ANKS1B: variants seen among roughly 807,000 people sequenced by gnomAD.
ANKS1B encodes the protein ankyrin repeat and sterile alpha motif domain containing 1B.
A neutral mutation model predicts 148.3 loss-of-function variants in ANKS1B; 36 were observed. That is an observed-to-expected ratio of 0.24 (90% CI 0.19 to 0.32). ANKS1B has a LOEUF of 0.32. Ranked by LOEUF, ANKS1B falls within the 10% of genes least tolerant of loss-of-function variation. The pLI is 1.00. For missense variants in ANKS1B, 1,157 were observed against 1,542.6 expected, an observed-to-expected ratio of 0.75 and a Z score of 4.19; for synonymous variants, 542 against 560.8, an observed-to-expected ratio of 0.97 and a Z score of 0.47.
At chr12:99,780,102 G>T (rs761960238) in intron 5 of ANKS1B, 130 bp from the exon 6 acceptor site, 62 of 662,906 alleles carry the variant, frequency 9.4e-5, no homozygotes, top group Non-Finnish European at 1.2e-4. Flanking sequence ...AAAAAATTAA[G>T]TTCTACACAC....
At chr12:98,841,130 TATTTC>T in intron 17 of ANKS1B, among the ~76,000 whole-genome samples, 1 of 152,320 alleles carries the variant, frequency 6.6e-6, no homozygotes, top group South Asian at 2.1e-4. Flanking sequence ...TTTCTAACTT[TATTTC>T]CTTTCAATTT....
At chr12:99,615,741 G>A (rs2153358032) in intron 9 of ANKS1B, among the ~76,000 whole-genome samples, 1 of 152,210 alleles carries the variant, frequency 6.6e-6, no homozygotes, top group South Asian at 2.1e-4. Flanking sequence ...ATAAGATAAG[G>A]ATTCCCTTTC....
chr12:99,202,469 A>G (rs112523726), intron 14 of ANKS1B, among the ~76,000 whole-genome samples: 4,067 of 152,270 alleles, frequency 0.027, 101 homozygotes, highest in Middle Eastern at 0.088. Context: ...GTTAGTTCTC[A>G]TTTCAGTACT....
Position 98,751,616 on chromosome 12 carries a change from G to A in ANKS1B, c.3580-94C>T. ...AACACTGAGGGAGGTGAACTAGGGAGGAACTTGAACTACTTCACCAGAGGC... is the reference window on the plus strand; with the variant it reads ...AACACTGAGGGAGGTGAACTAGGGAAGAACTTGAACTACTTCACCAGAGGC... On this transcript the variant is annotated intron_variant, in intron 25 of 26. Transcript: ENST00000683438. This position sits in a 1 kb window ranked among gnomAD's most constrained non-coding sequence, Gnocchi z 4.3. 4 of 1,245,684 alleles carry A rather than the reference G, an allele frequency of 3.2e-6. No homozygotes were observed. Among genetic ancestry groups the A allele is most frequent in the Non-Finnish European group, 4.6e-6 (4 of 871,870 alleles). The allele number at this position is 1,245,684 out of a possible 1,614,324, so 77.2% of individuals were successfully genotyped here.
intron 9 of ANKS1B, among the ~76,000 whole-genome samples, chr12:98,738,068 A>G (rs2097782095): frequency 1.3e-5 from 2 of 152,234 alleles, no homozygotes; most frequent in African/African-American, 4.8e-5. Flanking sequence ...TAACTATAGA[A>G]GAATTACTGT....
intron 24 of ANKS1B, among the ~76,000 whole-genome samples, chr12:98,776,784 G>T (rs1305015945): frequency 6.6e-6 from 1 of 152,236 alleles, no homozygotes; most frequent in Non-Finnish European, 1.5e-5. Flanking sequence ...CAACAGTATA[G>T]ACCTAGAGCT....
At chr12:99,382,237 T>C (rs184480925) in intron 12 of ANKS1B, among the ~76,000 whole-genome samples, 35 of 152,256 alleles carry the variant, frequency 2.3e-4, no homozygotes, top group Admixed American at 1.4e-3. Flanking sequence ...GGGAGATGAA[T>C]CAGGTGCCCA....
At chr12:98,954,447 G>C (rs1460744230) in intron 17 of ANKS1B, 1 of 152,230 alleles carries the variant, frequency 6.6e-6, no homozygotes, top group Non-Finnish European at 1.5e-5. Flanking sequence ...CTGTTAAGAA[G>C]TGAAGCCTTT....
chr12:99,674,316 T>G (rs2098551998), intron 8 of ANKS1B, among the ~76,000 whole-genome samples: 1 of 151,856 alleles, frequency 6.6e-6, no homozygotes, highest in Non-Finnish European at 1.5e-5. Context: ...AGACTAGAAC[T>G]GTACATAACA....
chr12:99,970,783 T>C (rs1302245308), intron 1 of ANKS1B, among the ~76,000 whole-genome samples: 1 of 152,168 alleles, frequency 6.6e-6, no homozygotes, highest in East Asian at 1.9e-4. Context: ...AAGCACTACC[T>C]CCTCTCTGCA....
Position 99,443,654 on chromosome 12 carries a change from T to A in ANKS1B, c.1575+19A>T, listed in dbSNP as rs1398255693. On this transcript the variant is annotated intron_variant, in intron 11 of 26. Transcript: ENST00000683438. ...TCAAAACACATTAGAGGGAAAATGATGCCATTCTGGGCACTTACCTGGGGT... is the reference window on the plus strand; with the variant it reads ...TCAAAACACATTAGAGGGAAAATGAAGCCATTCTGGGCACTTACCTGGGGT... 1 of 1,610,378 alleles carries A rather than the reference T, an allele frequency of 6.2e-7. No individual in the cohort carries two copies. Among genetic ancestry groups the A allele is most frequent in the African/African-American group, 1.3e-5 (1 of 74,812 alleles).
At chr12:99,242,250 T>C (rs995682349) in intron 14 of ANKS1B, among the ~76,000 whole-genome samples, 10 of 151,998 alleles carry the variant, frequency 6.6e-5, no homozygotes, top group Admixed American at 5.2e-4. Context: ...ACACCAATAA[T>C]AGACAAACAG....
intron 15 of ANKS1B, among the ~76,000 whole-genome samples, chr12:99,134,645 T>TCTCACACACACACA (rs1380319841): frequency 1.9e-5 from 2 of 105,048 alleles, no homozygotes; most frequent in Admixed American, 9.5e-5. Flanking sequence ...TCTCTCTCTC[T>TCTCACACACACACA]CACACACACA....
chr12:99,149,045 T>A lies in ANKS1B; in HGVS notation c.2526+5244A>T, dbSNP rs547203315. Among the ~76,000 whole-genome samples the A allele has an allele frequency of 2.0e-5, 3 of 150,678 alleles. No homozygotes were observed. In the East Asian group the frequency reaches 6.1e-4, roughly 31 times the overall value. On this transcript the variant is annotated intron_variant, in intron 15 of 26. Transcript: ENST00000683438. The stretch of plus-strand genomic sequence containing the variant: ...GTTCACAAAATTTTCCTAACCAATA[T>A]TGGAACAAGAAATTATCACGGGGGG...
chr12:98,737,017 C>T (rs973839685), intron 9 of ANKS1B, among the ~76,000 whole-genome samples: 2 of 152,144 alleles, frequency 1.3e-5, no homozygotes, highest in African/African-American at 2.4e-5. Flanking sequence ...AATGAGGATC[C>T]GTTCCTCCCT....
At chr12:98,870,063 G>A (rs999078865) in intron 17 of ANKS1B, among the ~76,000 whole-genome samples, 1 of 152,192 alleles carries the variant, frequency 6.6e-6, no homozygotes, top group Non-Finnish European at 1.5e-5. Flanking sequence ...AGCAGGTTTG[G>A]GAGAGCCTGT....
At chr12:99,186,905 A>T (rs373781833) in intron 14 of ANKS1B, among the ~76,000 whole-genome samples, 133 of 151,230 alleles carry the variant, frequency 8.8e-4, no homozygotes, top group African/African-American at 3.1e-3. Context: ...AGGCTTCAGA[A>T]GGTGGGTAAT....
At chr12:99,502,138 CCT>C (rs1169598599) in intron 10 of ANKS1B, among the ~76,000 whole-genome samples, 1 of 152,056 alleles carries the variant, frequency 6.6e-6, no homozygotes, top group African/African-American at 2.4e-5. Context: ...TGCATTCCTT[CCT>C]CTATCACACC....
At chr12:99,826,867 T>C (rs972408714) in intron 1 of ANKS1B, among the ~76,000 whole-genome samples, 1 of 152,078 alleles carries the variant, frequency 6.6e-6, no homozygotes, top group African/African-American at 2.4e-5. Context: ...TCCCAGCACT[T>C]TGGGAGGCTG....
Sources: gnomAD v4.1 joint callset for allele counts (sites outside exome capture counted in the v4.1 genomes callset) on GRCh38, gnomAD v4.1.1 for gene constraint, Gnocchi (gnomAD v3.1) non-coding constraint, MANE v1.5 for transcripts, NCBI Gene and HGNC (gene_info 2026-07-23, HGNC 2026-07-21) for gene names.